CAPZB: variants seen among roughly 807,000 people sequenced by gnomAD.
CAPZB encodes the protein capping actin protein of muscle Z-line subunit beta, also known as F-actin-capping protein subunit beta.
In CAPZB, 2 loss-of-function variants were observed where a neutral mutation model predicts 38.1. That is an observed-to-expected ratio of 0.05 (90% confidence interval 0.02 to 0.17). The LOEUF is 0.17. CAPZB is among the 10% of genes least tolerant of loss of function. The pLI, the probability that CAPZB is intolerant of heterozygous loss-of-function variation, is 1.00. For missense variants in CAPZB, 161 were observed against 334.2 expected, an observed-to-expected ratio of 0.48 and a Z score of 4.04; for synonymous variants, 107 against 127.4, an observed-to-expected ratio of 0.84 and a Z score of 1.08.
intron 1 of CAPZB, among the ~76,000 whole-genome samples, chr1:19,421,689 G>C (rs1374739030): frequency 6.6e-6 from 1 of 152,228 alleles, no homozygotes; most frequent in East Asian, 1.9e-4. Context: ...TTCGACTCTA[G>C]AGAGACATAT....
chr1:19,421,665 C>G lies in CAPZB; in HGVS notation c.4-1915G>C, dbSNP rs983377784. ...TTAACACCACGTCTTGGGCAGAACA[C>G]ACAGATAAGCTGATTCGACTCTAGA... On this transcript the variant is annotated intron_variant, in intron 1 of 8. Transcript: ENST00000264202. 4.9e-4 allele frequency among the ~76,000 whole-genome samples: 74 copies of G among 152,244 alleles called. 1 individual carries two copies. Among genetic ancestry groups the G allele is most frequent in the Non-Finnish European group, 5.9e-5 (4 of 68,042 alleles).
At chr1:19,438,294 A>G (rs2094464611) in intron 1 of CAPZB, among the ~76,000 whole-genome samples, 1 of 152,140 alleles carries the variant, frequency 6.6e-6, no homozygotes. Context: ...TGAAACAAAC[A>G]CAAGCCATCC....
intron 1 of CAPZB, 33 bp from the exon 2 acceptor site, chr1:19,419,783 T>C: frequency 8.0e-7 from 1 of 1,250,622 alleles, no homozygotes; most frequent in African/African-American, 1.5e-5. Flanking sequence ...GCGTCAGTCA[T>C]TTTTGCCAGA....
At chr1:19,465,469 G>A (rs1166717433) in intron 1 of CAPZB, among the ~76,000 whole-genome samples, 2 of 152,200 alleles carry the variant, frequency 1.3e-5, no homozygotes, top group East Asian at 3.8e-4. Context: ...TAAGGTATTT[G>A]TTCCAGGAGC....
chr1:19,341,309 C>T (rs1046256330), intron 8 of CAPZB, among the ~76,000 whole-genome samples: 2 of 152,136 alleles, frequency 1.3e-5, no homozygotes, highest in Non-Finnish European at 1.5e-5. Context: ...AAGCTCACAG[C>T]GGGAGGTCAA....
intron 8 of CAPZB, among the ~76,000 whole-genome samples, chr1:19,340,760 GC>G (rs140232068): frequency 6.6e-6 from 1 of 152,158 alleles, no homozygotes; most frequent in African/African-American, 2.4e-5. Context: ...TCAGAGGAAT[GC>G]CCCCCTAGCA....
At chr1:19,477,594 G>A (rs1467011260) in intron 1 of CAPZB, among the ~76,000 whole-genome samples, 1 of 152,220 alleles carries the variant, frequency 6.6e-6, no homozygotes, top group Admixed American at 6.5e-5. Flanking sequence ...CAGGGTCAAA[G>A]CCTCACGACG....
chr1:19,480,476 C>T (rs1463987738), intron 1 of CAPZB, among the ~76,000 whole-genome samples: 3 of 152,172 alleles, frequency 2.0e-5, no homozygotes, highest in Non-Finnish European at 2.9e-5. Flanking sequence ...AGCAGGCAGC[C>T]GCCTCTCAGC....
At chr1:19,440,429 T>C (rs753021967) in intron 1 of CAPZB, among the ~76,000 whole-genome samples, 1 of 152,244 alleles carries the variant, frequency 6.6e-6, no homozygotes, top group Non-Finnish European at 1.5e-5. Context: ...ATCTCTCTTA[T>C]GCAGATTAAG....
intron 4 of CAPZB, among the ~76,000 whole-genome samples, chr1:19,366,417 G>A (rs746043759): frequency 1.3e-5 from 2 of 151,660 alleles, no homozygotes; most frequent in South Asian, 2.1e-4. Flanking sequence ...GGCCGGGTGC[G>A]GTGGCTCATG....
At chr1:19,427,716 C>T (rs2094428136) in intron 1 of CAPZB, among the ~76,000 whole-genome samples, 1 of 152,196 alleles carries the variant, frequency 6.6e-6, no homozygotes, top group African/African-American at 2.4e-5. Context: ...GGAGATGCCT[C>T]AACCACAAAC....
chr1:19,360,265 G>A (rs891487096), intron 4 of CAPZB, among the ~76,000 whole-genome samples: 6 of 152,192 alleles, frequency 3.9e-5, no homozygotes, highest in African/African-American at 1.4e-4. Flanking sequence ...CTTGGTTCTA[G>A]CACACCGTTT....
chr1:19,362,395 C>T (rs2094058255), intron 4 of CAPZB, among the ~76,000 whole-genome samples: 1 of 152,108 alleles, frequency 6.6e-6, no homozygotes. Context: ...TGCCAACATG[C>T]CTGGATAATT....
intron 8 of CAPZB, among the ~76,000 whole-genome samples, chr1:19,341,803 G>T (rs2093930704): frequency 6.6e-6 from 1 of 152,234 alleles, no homozygotes; most frequent in African/African-American, 2.4e-5. Flanking sequence ...CCAGACTGGT[G>T]CACTTAAGTC....
intron 1 of CAPZB, among the ~76,000 whole-genome samples, chr1:19,474,100 A>G (rs2094598915): frequency 6.6e-6 from 1 of 151,726 alleles, no homozygotes; most frequent in Non-Finnish European, 1.5e-5. Context: ...GGCTCAAATG[A>G]TCCTCCCACC....
chr1:19,360,721 G>A (rs779036381), intron 4 of CAPZB, among the ~76,000 whole-genome samples: 1 of 152,186 alleles, frequency 6.6e-6, no homozygotes, highest in African/African-American at 2.4e-5. Context: ...GGAACTGGCC[G>A]TTTCCACTCC....
intron 1 of CAPZB, among the ~76,000 whole-genome samples, chr1:19,447,801 G>A (rs796115421): frequency 6.6e-6 from 1 of 152,296 alleles, no homozygotes; most frequent in African/African-American, 2.4e-5. Flanking sequence ...TCTCCGCCTC[G>A]GTGGCCTTGC....
chr1:19,393,878 C>T (rs1398171109), intron 2 of CAPZB, among the ~76,000 whole-genome samples: 1 of 152,268 alleles, frequency 6.6e-6, no homozygotes, highest in African/African-American at 2.4e-5. Context: ...TCAGTGCCTA[C>T]TGCCCAGCAG....
intron 4 of CAPZB, among the ~76,000 whole-genome samples, chr1:19,369,880 C>T (rs2094110910): frequency 1.3e-5 from 2 of 152,180 alleles, no homozygotes; most frequent in African/African-American, 4.8e-5. Flanking sequence ...TGGCCGTTTC[C>T]AGCGGTGGAA....
Sources: allele counts gnomAD v4.1 joint callset (sites outside exome capture counted in the v4.1 genomes callset), GRCh38; gene constraint gnomAD v4.1.1; transcripts MANE v1.5; gene names NCBI Gene and HGNC (gene_info 2026-07-23, HGNC 2026-07-21).